Variants in TRHDE observed in about 807,000 individuals in gnomAD.
The protein encoded by TRHDE is thyrotropin releasing hormone degrading enzyme.
TRHDE carries 72 observed loss-of-function variants against 125.7 expected under a neutral mutation model. That is an observed-to-expected ratio of 0.57 (90% CI 0.47 to 0.70). The LOEUF is 0.70. Among genes scored for constraint, TRHDE ranks in the 30% least tolerant of loss-of-function variants. The pLI, the probability that TRHDE is intolerant of heterozygous loss-of-function variation, is 0.00. For missense variants in TRHDE, 1,110 were observed against 1,327.1 expected, an observed-to-expected ratio of 0.84 and a Z score of 2.54; for synonymous variants, 509 against 509.1, an observed-to-expected ratio of 1.00 and a Z score of 0.00.
intron 2 of TRHDE, chr12:72,257,687 T>C (rs1487807672): frequency 4.6e-5 from 7 of 152,184 alleles, no homozygotes. Context: ...TACTAAAGAA[T>C]GGTAGTCAAG....
At chr12:72,150,883 G>A (rs1022523721) in intron 2 of TRHDE, among the ~76,000 whole-genome samples, 1 of 152,126 alleles carries the variant, frequency 6.6e-6, no homozygotes, top group Non-Finnish European at 1.5e-5. Context: ...CTTTATAGCA[G>A]CATGTTTTAT....
At chr12:72,616,987 ATTAC>A (rs1872842027) in intron 12 of TRHDE, among the ~76,000 whole-genome samples, 1 of 152,242 alleles carries the variant, frequency 6.6e-6, no homozygotes, top group Non-Finnish European at 1.5e-5. Flanking sequence ...AAAAAATTGT[ATTAC>A]TTTTTCAGGG....
intron 2 of TRHDE, chr12:72,147,905 T>C (rs980339961): frequency 1.1e-4 from 17 of 152,214 alleles, no homozygotes; most frequent in African/African-American, 4.1e-4. Context: ...AGATGATGAG[T>C]GGTTTCAACT....
intron 2 of TRHDE, among the ~76,000 whole-genome samples, chr12:72,237,886 A>G (rs1878368073): frequency 6.6e-6 from 1 of 152,172 alleles, no homozygotes; most frequent in Admixed American, 6.5e-5. Context: ...AGAGCCATCC[A>G]TGTAGCACAA....
At chr12:72,532,551 T>C (rs970559187) in intron 6 of TRHDE, among the ~76,000 whole-genome samples, 17 of 151,196 alleles carry the variant, frequency 1.1e-4, no homozygotes, top group African/African-American at 4.1e-4. Flanking sequence ...CCTTTATTGT[T>C]AATGGTCCCC....
intron 10 of TRHDE, among the ~76,000 whole-genome samples, chr12:72,572,868 A>G (rs1301381655): frequency 2.6e-5 from 4 of 152,074 alleles, no homozygotes; most frequent in Non-Finnish European, 5.9e-5. Flanking sequence ...TATTCTAGTT[A>G]TCTAAAATGT....
chr12:72,635,285 C>A (rs1873687013), intron 15 of TRHDE, among the ~76,000 whole-genome samples: 1 of 152,160 alleles, frequency 6.6e-6, no homozygotes, highest in South Asian at 2.1e-4. Flanking sequence ...TGTTTTTTGG[C>A]TGCATAAATG....
intron 2 of TRHDE, among the ~76,000 whole-genome samples, chr12:72,214,599 A>G (rs1032527675): frequency 8.5e-5 from 13 of 152,204 alleles, no homozygotes; most frequent in Admixed American, 6.5e-4. Context: ...TTACATTTGA[A>G]TGGATCTTTA....
At chr12:72,449,390 T>C (rs1875461128) in intron 3 of TRHDE, among the ~76,000 whole-genome samples, 1 of 152,064 alleles carries the variant, frequency 6.6e-6, no homozygotes, top group Non-Finnish European at 1.5e-5. Flanking sequence ...TATTTAGTAT[T>C]TACCTAGGTA....
chr12:72,449,554 G>C (rs952250199), intron 3 of TRHDE, among the ~76,000 whole-genome samples: 2 of 151,852 alleles, frequency 1.3e-5, no homozygotes, highest in African/African-American at 2.4e-5. Flanking sequence ...GATGGCTTAG[G>C]CATGCTCTTT....
At chr12:72,427,962 A>C (rs1439272150) in intron 3 of TRHDE, among the ~76,000 whole-genome samples, 5 of 152,218 alleles carry the variant, frequency 3.3e-5, no homozygotes, top group African/African-American at 4.8e-5. Flanking sequence ...CCAGAAGTGT[A>C]GTAGGTTTAA....
chr12:72,345,402 C>T (rs1479676495), intron 2 of TRHDE, among the ~76,000 whole-genome samples: 2 of 152,052 alleles, frequency 1.3e-5, no homozygotes, highest in African/African-American at 4.8e-5. Flanking sequence ...CATAGTCGCA[C>T]ACCATTGTCT....
intron 2 of TRHDE, among the ~76,000 whole-genome samples, chr12:72,291,250 A>T (rs1198593662): frequency 6.6e-6 from 1 of 152,202 alleles, no homozygotes; most frequent in Admixed American, 6.5e-5. Context: ...TCTCCCTTCA[A>T]CAGACAATAA....
chr12:72,551,327 G>A (rs1047028673), intron 7 of TRHDE, among the ~76,000 whole-genome samples: 5 of 151,978 alleles, frequency 3.3e-5, no homozygotes, highest in Admixed American at 3.3e-4. Context: ...ACAAAGAAAT[G>A]GTAGTACCCA....
At chr12:72,277,543 T>A (rs1326416920) in intron 1 of TRHDE, among the ~76,000 whole-genome samples, 2 of 152,170 alleles carry the variant, frequency 1.3e-5, no homozygotes, top group African/African-American at 4.8e-5. Context: ...CTGTAAAAAC[T>A]TTTTTCTGTG....
At chr12:72,442,110 G>A (rs1464273889) in intron 3 of TRHDE, among the ~76,000 whole-genome samples, 2 of 151,836 alleles carry the variant, frequency 1.3e-5, no homozygotes, top group Admixed American at 1.3e-4. Context: ...TGGGATTTAC[G>A]TTGGCATCCT....
intron 3 of TRHDE, among the ~76,000 whole-genome samples, chr12:72,390,402 A>C (rs1872574809): frequency 2.0e-5 from 3 of 152,178 alleles, no homozygotes; most frequent in Admixed American, 2.0e-4. Flanking sequence ...GCTGGGGATT[A>C]CTGCTGACAG....
chr12:72,454,585 A>G (rs985551077), intron 3 of TRHDE, among the ~76,000 whole-genome samples: 2 of 152,192 alleles, frequency 1.3e-5, no homozygotes, highest in Non-Finnish European at 2.9e-5. Flanking sequence ...AAATATAAAT[A>G]AACATTGTAT....
intron 2 of TRHDE, among the ~76,000 whole-genome samples, chr12:72,155,311 G>T (rs539449985): frequency 1.8e-4 from 27 of 152,066 alleles, no homozygotes; most frequent in African/African-American, 6.5e-4. Flanking sequence ...TTTTTTCAAG[G>T]TTTTTAACTT....
Sources: allele counts gnomAD v4.1 joint callset (sites outside exome capture counted in the v4.1 genomes callset), GRCh38; gene constraint gnomAD v4.1.1; transcripts MANE v1.5; gene names NCBI Gene and HGNC (gene_info 2026-07-23, HGNC 2026-07-21).